The following POLA1 variants were observed in gnomAD, a reference collection of about 807,000 sequenced individuals.
POLA1 encodes DNA polymerase alpha 1, catalytic subunit, also known as DNA polymerase alpha catalytic subunit.
Under a neutral mutation model 124.0 loss-of-function variants are expected in POLA1, and 15 were observed. The ratio of observed to expected loss-of-function variants is 0.12; its 90% CI spans 0.08 to 0.19. The LOEUF (loss-of-function observed/expected upper bound fraction) is 0.19, where lower values mean the gene tolerates loss of function less well. POLA1 is among the 10% of genes least tolerant of loss of function. The probability of loss-of-function intolerance (pLI) is 1.00; values close to 1 mark genes in which losing one functional copy is unlikely to be tolerated. For synonymous variants in POLA1, 408 were observed against 389.4 expected (o/e 1.05, Z -0.56); for missense variants, 886 against 1,103.4 (o/e 0.80, Z 2.79).
chrX:24,951,242 ATT>A (rs1288557055), intron 36 of POLA1, among the ~76,000 whole-genome samples: 96 of 94,871 alleles, frequency 1.0e-3, no homozygotes, highest in Non-Finnish European at 1.6e-3. Context: ...CCTGATTACA[ATT>A]AATTAACAGA....
intron 32 of POLA1, among the ~76,000 whole-genome samples, chrX:24,836,261 C>T (rs974819230): frequency 8.9e-6 from 1 of 112,079 alleles, no homozygotes; most frequent in Non-Finnish European, 1.9e-5. Flanking sequence ...GTATGGCTAT[C>T]TACTGGAGGT....
Position 24,741,115 on chromosome X carries a change from T to TTGTGTGTG in POLA1, c.2217-235_2217-228dup, listed in dbSNP as rs751996539. Reference sequence around the variant, plus strand: ...TACTTCAGTTTTTCCTTATGGGATTTTGTGTGTGTGTGTGTGTGTGTGTGT... The same window carrying TTGTGTGTG: ...TACTTCAGTTTTTCCTTATGGGATTTTGTGTGTGTGTGTGTGTGTGTGTGTGTGTGTGT... On this transcript the variant is annotated intron_variant, in intron 20 of 36. Transcript: ENST00000379068. 2.3e-3 allele frequency among the ~76,000 whole-genome samples: 206 copies of TTGTGTGTG among 89,570 alleles called. 2 individuals are homozygous for TTGTGTGTG. The highest frequency in any genetic ancestry group is 7.8e-3 in the African/African-American group (199 of 25,584). 77.8% of individuals were successfully genotyped at this position (89,570 alleles called of 115,157 possible). A position where few individuals can be genotyped will look rare whatever the true frequency, so the allele number is the denominator to read the frequency against.
intron 36 of POLA1, among the ~76,000 whole-genome samples, chrX:24,936,309 T>C (rs991946996): frequency 2.7e-5 from 3 of 112,173 alleles, no homozygotes; most frequent in Non-Finnish European, 5.6e-5. Context: ...ATTTCAGTGT[T>C]AAGGATTTCC....
At chrX:24,780,443 C>T (rs2045237824) in intron 26 of POLA1, among the ~76,000 whole-genome samples, 1 of 112,486 alleles carries the variant, frequency 8.9e-6, no homozygotes, top group African/African-American at 3.2e-5. Flanking sequence ...CTTGTATGTC[C>T]TTTTTCAAAT....
At chrX:24,923,649 T>C (rs766004217) in intron 35 of POLA1, among the ~76,000 whole-genome samples, 1 of 112,271 alleles carries the variant, frequency 8.9e-6, no homozygotes, top group South Asian at 3.7e-4. Context: ...AAAAGACTTC[T>C]TGGAAAAGTA....
chrX:24,874,975 A>G (rs995054497), intron 34 of POLA1, among the ~76,000 whole-genome samples: 3 of 112,028 alleles, frequency 2.7e-5, no homozygotes, highest in African/African-American at 6.5e-5. Flanking sequence ...CGGAACTGCA[A>G]TATACCTGCT....
At chrX:24,968,062 A>G (rs2048246244) in intron 36 of POLA1, among the ~76,000 whole-genome samples, 1 of 112,306 alleles carries the variant, frequency 8.9e-6, no homozygotes, top group Middle Eastern at 4.6e-3. Context: ...TAGCACTAGT[A>G]ATCTCATCTT....
chrX:24,800,865 A>G (rs2045693805), intron 26 of POLA1, among the ~76,000 whole-genome samples: 1 of 112,083 alleles, frequency 8.9e-6, no homozygotes, highest in African/African-American at 3.2e-5. Context: ...GTAGTATTTT[A>G]AGTTTTGGGA....
intron 3 of POLA1, among the ~76,000 whole-genome samples, chrX:24,703,696 T>C (rs1928611819): frequency 8.9e-6 from 1 of 112,318 alleles, no homozygotes; most frequent in Admixed American, 9.4e-5. Flanking sequence ...CCATCATTCC[T>C]ACTTTCCAAT....
chrX:24,929,298 G>A (rs953310369), intron 35 of POLA1, among the ~76,000 whole-genome samples: 10 of 112,253 alleles, frequency 8.9e-5, no homozygotes, highest in African/African-American at 3.2e-4. Flanking sequence ...GTCTGTGTGT[G>A]CCACCTGGCC....
At chrX:24,725,441 G>A (rs1326590366) in intron 12 of POLA1, among the ~76,000 whole-genome samples, 14 of 110,276 alleles carry the variant, frequency 1.3e-4, no homozygotes, top group Non-Finnish European at 2.5e-4. Flanking sequence ...CAAGTGATCC[G>A]CCCGCCTCGG....
chrX:24,905,558 C>G (rs1197191876), intron 35 of POLA1, among the ~76,000 whole-genome samples: 14 of 94,765 alleles, frequency 1.5e-4, no homozygotes, highest in African/African-American at 5.5e-4. Context: ...GTGAACCCCC[C>G]CCCCCTTTTT....
intron 26 of POLA1, among the ~76,000 whole-genome samples, chrX:24,805,339 T>G (rs1367223078): frequency 8.9e-6 from 1 of 111,775 alleles, no homozygotes; most frequent in Non-Finnish European, 1.9e-5. Context: ...GCCCAGGAAT[T>G]AAGAAGTCAG....
At chrX:24,843,520 T>C (rs750309038) in intron 33 of POLA1, 26 bp from the exon 34 acceptor site, 3 of 1,131,606 alleles carry the variant, frequency 2.7e-6, no homozygotes, top group Admixed American at 2.8e-5. Context: ...CAGTAATTTT[T>C]TGTATACTTC....
intron 36 of POLA1, among the ~76,000 whole-genome samples, chrX:24,964,712 C>G (rs2048203863): frequency 8.9e-6 from 1 of 112,454 alleles, no homozygotes; most frequent in Non-Finnish European, 1.9e-5. Context: ...GTTCAAGTCT[C>G]ATAATTCCAT....
At chrX:24,757,054 T>A (rs1389248783) in intron 26 of POLA1, among the ~76,000 whole-genome samples, 3 of 111,453 alleles carry the variant, frequency 2.7e-5, no homozygotes, top group African/African-American at 9.8e-5. Context: ...GAAGGTTTAA[T>A]GTATTTTGGC....
intron 10 of POLA1, among the ~76,000 whole-genome samples, chrX:24,719,601 C>T (rs747803061): frequency 4.5e-5 from 5 of 111,578 alleles, no homozygotes; most frequent in African/African-American, 1.3e-4. Flanking sequence ...ACCATTTTCA[C>T]GTGACTTTCC....
chrX:24,908,510 T>G (rs781435607), intron 35 of POLA1, among the ~76,000 whole-genome samples: 1 of 108,150 alleles, frequency 9.2e-6, no homozygotes, highest in South Asian at 4.3e-4. Context: ...CTTGCGATAG[T>G]TTGCTGAGAA....
At chrX:24,888,894 G>A (rs2047104406) in intron 35 of POLA1, among the ~76,000 whole-genome samples, 1 of 108,137 alleles carries the variant, frequency 9.2e-6, no homozygotes, top group African/African-American at 3.4e-5. Flanking sequence ...TTTTGAGATG[G>A]AGTCTAGCTC....
Sources: gnomAD v4.1 joint callset for allele counts (sites outside exome capture counted in the v4.1 genomes callset) on GRCh38, gnomAD v4.1.1 for gene constraint, MANE v1.5 for transcripts, NCBI Gene and HGNC (gene_info 2026-07-23, HGNC 2026-07-21) for gene names.